MAST4: variants seen among roughly 807,000 people sequenced by gnomAD.
MAST4 encodes microtubule associated serine/threonine kinase family member 4.
In MAST4, 89 loss-of-function variants were observed where a neutral mutation model predicts 162.7. The ratio of observed to expected loss-of-function variants is 0.55; its 90% CI spans 0.46 to 0.65. MAST4 has a LOEUF of 0.65. Among genes scored for constraint, MAST4 ranks in the 30% least tolerant of loss-of-function variants. MAST4 has a pLI of 0.00. For missense variants in MAST4, 3,153 were observed against 3,374.0 expected (o/e 0.93, Z 1.62); for synonymous variants, 1,479 against 1,361.1 (o/e 1.09, Z -1.91).
intron 4 of MAST4, among the ~76,000 whole-genome samples, chr5:66,968,251 G>T (rs1746993708): frequency 6.6e-6 from 1 of 152,166 alleles, no homozygotes; most frequent in African/African-American, 2.4e-5. Context: ...CTGGCTGCAT[G>T]TCTTGTGTTC....
At chr5:67,104,821 C>T (rs1284856369) in intron 10 of MAST4, among the ~76,000 whole-genome samples, 1 of 152,048 alleles carries the variant, frequency 6.6e-6, no homozygotes, top group African/African-American at 2.4e-5. Flanking sequence ...ATCTATGACT[C>T]TAGGATAAGT....
At chr5:66,881,130 A>G (rs1227885421) in intron 3 of MAST4, among the ~76,000 whole-genome samples, 1 of 152,208 alleles carries the variant, frequency 6.6e-6, no homozygotes. Flanking sequence ...CTTTGTAGCA[A>G]ATTTTATAAT....
At chr5:67,035,359 TA>T (rs555951536) in intron 4 of MAST4, among the ~76,000 whole-genome samples, 16 of 149,104 alleles carry the variant, frequency 1.1e-4, no homozygotes, top group East Asian at 3.9e-4. Flanking sequence ...AGACTTTGGC[TA>T]AAAAAAAAAT....
intron 4 of MAST4, among the ~76,000 whole-genome samples, chr5:66,962,915 G>A (rs752634035): frequency 6.6e-6 from 1 of 152,016 alleles, no homozygotes; most frequent in Non-Finnish European, 1.5e-5. Context: ...TTAAATTGTT[G>A]TACTGTATCT....
At chr5:66,828,400 C>G (rs1010855551) in intron 3 of MAST4, among the ~76,000 whole-genome samples, 2 of 152,140 alleles carry the variant, frequency 1.3e-5, no homozygotes, top group African/African-American at 4.8e-5. Context: ...CCATCCCAGT[C>G]AGCGGCTGCC....
At chr5:66,646,644 A>G (rs1193592127) in intron 1 of MAST4, among the ~76,000 whole-genome samples, 1 of 152,222 alleles carries the variant, frequency 6.6e-6, no homozygotes, top group Non-Finnish European at 1.5e-5. Flanking sequence ...CATGTATAAG[A>G]AAATCATTGT....
chr5:67,159,717 GT>G (rs1334974823), intron 26 of MAST4, among the ~76,000 whole-genome samples: 2 of 152,116 alleles, frequency 1.3e-5, no homozygotes, highest in African/African-American at 4.8e-5. Context: ...TCCACGCTCA[GT>G]TCCATCCCTA....
intron 3 of MAST4, among the ~76,000 whole-genome samples, chr5:66,827,864 T>A (rs1467318415): frequency 1.3e-5 from 2 of 152,224 alleles, no homozygotes; most frequent in Non-Finnish European, 2.9e-5. Flanking sequence ...TTATTATGAA[T>A]TGGTAGTGTC....
chr5:67,077,499 C>T (rs1218265648), intron 5 of MAST4, among the ~76,000 whole-genome samples: 2 of 152,198 alleles, frequency 1.3e-5, no homozygotes, highest in Non-Finnish European at 2.9e-5. Flanking sequence ...TGGAGTACTG[C>T]CCTAAAGAGT....
At position 67,164,764 on chromosome 5, in the gene MAST4, C is replaced by G; in HGVS notation, c.5585C>G (p.Ser1862Cys). ...DTTSARELSP[S>C]SLKMNKSYLL... ...ACCAGTGCAAGAGAGCTTTCTCCTT[C>G]CAGCTTAAAGATGAATAAATCCTAC... The change falls in exon 29 of 29, where the codon TCC becomes TGC. Residue 1862 changes from serine (S) to cysteine (C), a missense_variant. This residue lies in a region of MAST4 where 1,644 missense variants were observed against 1,495.0 expected (regional missense o/e 1.10). Transcript: ENST00000403625. The surrounding 1 kb of genome is among the most constrained non-coding windows in gnomAD (Gnocchi z 5.3). 1 of 1,613,994 alleles carries G rather than the reference C, an allele frequency of 6.2e-7. No individual in the cohort carries two copies. The highest frequency in any genetic ancestry group is 8.5e-7 in the Non-Finnish European group (1 of 1,179,896).
intron 4 of MAST4, among the ~76,000 whole-genome samples, chr5:66,907,373 G>A (rs572183244): frequency 6.6e-6 from 1 of 152,260 alleles, no homozygotes; most frequent in Non-Finnish European, 1.5e-5. Context: ...GTGGGGAAAG[G>A]GTGGGCTTCA....
At chr5:66,981,406 GT>G (rs543323902) in intron 4 of MAST4, among the ~76,000 whole-genome samples, 342 of 152,296 alleles carry the variant, frequency 2.2e-3, no homozygotes, top group Non-Finnish European at 4.0e-3. Flanking sequence ...TCAGAACTTT[GT>G]GTTGAGAAAG....
At chr5:66,916,926 G>A in intron 4 of MAST4, 2 of 714,728 alleles carry the variant, frequency 2.8e-6, no homozygotes, top group Non-Finnish European at 5.2e-6. Context: ...AAACAGTGCT[G>A]CAATAAACAA....
At chr5:66,681,792 TC>T (rs1198962387) in intron 1 of MAST4, among the ~76,000 whole-genome samples, 1 of 152,228 alleles carries the variant, frequency 6.6e-6, no homozygotes, top group Non-Finnish European at 1.5e-5. Flanking sequence ...GTCTTCTCTG[TC>T]CTCCCAAGCT....
chr5:67,132,005 A>G, intron 16 of MAST4, 54 bp downstream of exon 16: 1 of 1,551,440 alleles, frequency 6.4e-7, no homozygotes, highest in Non-Finnish European at 8.8e-7. Flanking sequence ...AAGTTCTCGT[A>G]TGTTTATAAA....
At chr5:66,894,128 G>A (rs1762533060) in intron 3 of MAST4, among the ~76,000 whole-genome samples, 1 of 152,184 alleles carries the variant, frequency 6.6e-6, no homozygotes, top group Non-Finnish European at 1.5e-5. Flanking sequence ...TGTAATGACA[G>A]CCTAGAAAAT....
rs149132347 is a variant in MAST4, at chr5:67,093,874, G to A, written c.834-1723G>A. On this transcript the variant is annotated intron_variant, in intron 6 of 28. Coordinates refer to ENST00000403625, the MANE Select transcript of MAST4 (RefSeq NM_001164664.2). ...TATCCTTTTCTTACTTTATCAAATT[G>A]GAGGTGTTTAAAATATATAGTGCAG... Among the ~76,000 whole-genome samples the A allele has an allele frequency of 3.9e-3, 596 of 152,208 alleles. 5 individuals carry two copies. Among genetic ancestry groups the A allele is most frequent in the African/African-American group, 0.012 (505 of 41,540 alleles).
intron 10 of MAST4, among the ~76,000 whole-genome samples, chr5:67,109,020 T>A (rs1322549417): frequency 1.3e-5 from 2 of 152,132 alleles, no homozygotes; most frequent in Admixed American, 6.5e-5. Context: ...AAAACTTGTT[T>A]TATGCCTATC....
At position 66,949,293 on chromosome 5, in the gene MAST4, C is replaced by T. The variant is rs118138477; in HGVS notation, c.674+49311C>T. On this transcript the variant is annotated intron_variant, in intron 4 of 28. Coordinates refer to ENST00000403625, the MANE Select transcript of MAST4 (RefSeq NM_001164664.2). ...TTGTCCTGTGTCCCCACCCAGATCT[C>T]GCCTTGAATTGTAATGATCCCTACA... Among the ~76,000 whole-genome samples the T allele has an allele frequency of 3.2e-4, 49 of 152,246 alleles. No homozygotes were observed. In the East Asian group the frequency reaches 6.9e-3, roughly 22 times the overall value.
Sources: gnomAD v4.1 joint callset for allele counts (sites outside exome capture counted in the v4.1 genomes callset) on GRCh38, gnomAD v4.1.1 for gene constraint, gnomAD v4.1.1 regional missense constraint, Gnocchi (gnomAD v3.1) non-coding constraint, MANE v1.5 for transcripts, NCBI Gene and HGNC (gene_info 2026-07-23, HGNC 2026-07-21) for gene names.